CTNNA2: variants seen among roughly 807,000 people sequenced by gnomAD.
CTNNA2 encodes catenin alpha-2.
CTNNA2 carries 42 observed loss-of-function variants against 101.0 expected under a neutral mutation model. That is an observed-to-expected ratio of 0.42 (90% CI 0.32 to 0.54). The LOEUF is 0.54. Among genes scored for constraint, CTNNA2 ranks in the 20% least tolerant of loss-of-function variants. CTNNA2 has a pLI of 0.14. For synonymous variants in CTNNA2, 450 were observed against 456.4 expected, an observed-to-expected ratio of 0.99 and a Z score of 0.18; for missense variants, 871 against 1,223.1, an observed-to-expected ratio of 0.71 and a Z score of 4.29.
At chr2:80,057,180 T>TTG (rs893258216) in intron 7 of CTNNA2, among the ~76,000 whole-genome samples, 3 of 151,734 alleles carry the variant, frequency 2.0e-5, no homozygotes, top group African/African-American at 7.3e-5. Flanking sequence ...AAGTTGTTTT[T>TTG]TTTTTTTTTT....
intron 7 of CTNNA2, among the ~76,000 whole-genome samples, chr2:79,998,489 G>A (rs1412704938): frequency 6.6e-6 from 1 of 152,126 alleles, no homozygotes; most frequent in Non-Finnish European, 1.5e-5. Flanking sequence ...TGGAAGGGTA[G>A]CTATTTCAAG....
chr2:80,020,423 G>T (rs17018563), intron 7 of CTNNA2, among the ~76,000 whole-genome samples: 2,087 of 152,272 alleles, frequency 0.014, 56 homozygotes, highest in African/African-American at 0.048. Context: ...CTGCTCATTG[G>T]CATGGAGTGT....
At chr2:80,049,230 A>T (rs999467927) in intron 7 of CTNNA2, among the ~76,000 whole-genome samples, 4 of 152,090 alleles carry the variant, frequency 2.6e-5, no homozygotes, top group African/African-American at 4.8e-5. Context: ...GCAACAGAGA[A>T]TAACAGTTAA....
At position 79,450,451 on chromosome 2, in the gene CTNNA2, C is replaced by A. The variant is rs890082028; in HGVS notation, c.-134-54603C>A. ...TAAACCAAGGCATTGTCTAACATGG[C>A]CACTCTAACAGTGGCCATGAAAAGG... On this transcript the variant is annotated intron_variant, in intron 4 of 21. Coordinates refer to the CTNNA2 transcript ENST00000466387. 7.9e-5 allele frequency among the ~76,000 whole-genome samples: 12 copies of A among 152,034 alleles called. No individual in the cohort carries two copies. In the South Asian group the frequency reaches 2.5e-3, roughly 32 times the overall value.
At chr2:79,946,727 T>C (rs1462516403) in intron 7 of CTNNA2, among the ~76,000 whole-genome samples, 1 of 152,188 alleles carries the variant, frequency 6.6e-6, no homozygotes, top group African/African-American at 2.4e-5. Context: ...ACCTGATATG[T>C]TGAAAGCTCT....
chr2:79,449,430 A>T (rs1678866091), intron 4 of CTNNA2, among the ~76,000 whole-genome samples: 1 of 152,000 alleles, frequency 6.6e-6, no homozygotes, highest in Non-Finnish European at 1.5e-5. Context: ...CAATGGGCTT[A>T]TCCTCTAGCA....
intron 7 of CTNNA2, among the ~76,000 whole-genome samples, chr2:80,068,668 C>A (rs1023756257): frequency 3.3e-5 from 5 of 152,040 alleles, no homozygotes; most frequent in African/African-American, 1.2e-4. Context: ...TTTAACTTTT[C>A]TCTTAATAAC....
chr2:79,656,460 G>A (rs929982403), intron 2 of CTNNA2, among the ~76,000 whole-genome samples: 5 of 151,964 alleles, frequency 3.3e-5, no homozygotes, highest in East Asian at 1.9e-4. Context: ...GATGGATAAG[G>A]GATGAAATGA....
intron 7 of CTNNA2, among the ~76,000 whole-genome samples, chr2:80,221,891 G>C (rs188898910): frequency 1.1e-3 from 171 of 152,308 alleles, no homozygotes; most frequent in African/African-American, 4.1e-3. Flanking sequence ...TAATCATGCA[G>C]GTTTAATTGC....
At chr2:79,255,410 A>G (rs893460970) in intron 2 of CTNNA2, among the ~76,000 whole-genome samples, 4 of 152,232 alleles carry the variant, frequency 2.6e-5, no homozygotes, top group Non-Finnish European at 5.9e-5. Context: ...TACATGGTAC[A>G]TTACTGGTAC....
chr2:79,376,733 G>A (rs1384120938), intron 4 of CTNNA2, among the ~76,000 whole-genome samples: 3 of 152,064 alleles, frequency 2.0e-5, no homozygotes, highest in Admixed American at 6.5e-5. Context: ...AGAACATGCG[G>A]TGTTTGGTTT....
At chr2:79,496,656 CTTT>C (rs1416109805) in intron 4 of CTNNA2, among the ~76,000 whole-genome samples, 2 of 151,818 alleles carry the variant, frequency 1.3e-5, no homozygotes, top group East Asian at 1.9e-4. Flanking sequence ...ATTTTGAATA[CTTT>C]TTTATTTTCT....
chr2:80,555,186 A>G (rs970095942), intron 11 of CTNNA2, among the ~76,000 whole-genome samples: 2 of 152,290 alleles, frequency 1.3e-5, no homozygotes, highest in African/African-American at 4.8e-5. Context: ...TGTTTTCGTA[A>G]TGAAAACATG....
At chr2:79,196,023 G>A (rs1002567903) in intron 1 of CTNNA2, among the ~76,000 whole-genome samples, 3 of 152,116 alleles carry the variant, frequency 2.0e-5, no homozygotes, top group East Asian at 1.9e-4. Flanking sequence ...TGCAATCTCC[G>A]CCTCCCAGGT....
chr2:80,619,649 C>G (rs1439593707), intron 18 of CTNNA2, among the ~76,000 whole-genome samples: 1 of 151,846 alleles, frequency 6.6e-6, no homozygotes, highest in Non-Finnish European at 1.5e-5. Context: ...GTGGGCCCTT[C>G]TAAAACTGTG....
intron 18 of CTNNA2, among the ~76,000 whole-genome samples, chr2:80,645,945 T>C (rs973718613): frequency 6.6e-6 from 1 of 152,112 alleles, no homozygotes; most frequent in African/African-American, 2.4e-5. Flanking sequence ...TTTCTGGTGA[T>C]GGAAAAATTG....
intron 7 of CTNNA2, among the ~76,000 whole-genome samples, chr2:80,093,131 A>G (rs139617432): frequency 0.017 from 2,646 of 152,002 alleles, 45 homozygotes; most frequent in Middle Eastern, 0.031. Context: ...CATTAGGTAT[A>G]TCTCCTAGTG....
chr2:79,717,143 G>A (rs1396850497), intron 2 of CTNNA2, among the ~76,000 whole-genome samples: 1 of 152,110 alleles, frequency 6.6e-6, no homozygotes, highest in Non-Finnish European at 1.5e-5. Context: ...TTATACAAGA[G>A]ACTGCTGTTT....
chr2:79,598,010 C>T (rs959909489), intron 1 of CTNNA2, among the ~76,000 whole-genome samples: 1 of 152,196 alleles, frequency 6.6e-6, no homozygotes. Flanking sequence ...TTGCCACATA[C>T]TTAGAATCGT....
Sources: gnomAD v4.1 joint callset for allele counts (sites outside exome capture counted in the v4.1 genomes callset) on GRCh38, gnomAD v4.1.1 for gene constraint, MANE v1.5 for transcripts, NCBI Gene and HGNC (gene_info 2026-07-23, HGNC 2026-07-21) for gene names.